The following JDP2 variants were observed in gnomAD, a reference collection of about 807,000 sequenced individuals.
JDP2 encodes the protein progesterone receptor co-activator.
Under a neutral mutation model 17.1 loss-of-function variants are expected in JDP2, and 9 were observed. The observed-to-expected ratio is 0.53, with a 90% CI of 0.32 to 0.92. The LOEUF (loss-of-function observed/expected upper bound fraction) is 0.92, where lower values mean the gene tolerates loss of function less well. JDP2 is among the 40% of genes least tolerant of loss of function. The pLI is 0.04. For synonymous variants in JDP2, 107 were observed against 95.6 expected (o/e 1.12, Z -0.69); for missense variants, 179 against 220.0 (o/e 0.81, Z 1.18).
At chr14:75,427,313 A>T (rs1884568438), upstream of JDP2, 1 of 152,442 alleles carries the variant, frequency 6.6e-6, no homozygotes, top group South Asian at 2.1e-4. The surrounding 1 kb of genome is among the most constrained non-coding windows in gnomAD (Gnocchi z 4.4). Flanking sequence ...CTCAGGCTGC[A>T]GCCCTAGCAG....
chr14:75,445,632 T>C (rs1348107230), intron 2 of JDP2: 2 of 938,048 alleles, frequency 2.1e-6, no homozygotes, highest in African/African-American at 1.8e-5. Context: ...AATAGACCCC[T>C]ACCTAGTACC....
intron 2 of JDP2, among the ~76,000 whole-genome samples, chr14:75,453,270 G>A (rs1366524868): frequency 6.6e-6 from 1 of 152,194 alleles, no homozygotes; most frequent in East Asian, 1.9e-4. Context: ...ACTTCCCAGG[G>A]TGCTCATGGG....
At chr14:75,448,230 A>T (rs764364567) in intron 2 of JDP2, among the ~76,000 whole-genome samples, 2 of 152,206 alleles carry the variant, frequency 1.3e-5, no homozygotes, top group Non-Finnish European at 2.9e-5. Flanking sequence ...TCATTTGAAC[A>T]AGATGTTTCT....
At chr14:75,461,060 T>C (rs551877014) in intron 2 of JDP2, among the ~76,000 whole-genome samples, 1 of 152,304 alleles carries the variant, frequency 6.6e-6, no homozygotes, top group South Asian at 2.1e-4. Context: ...AATCCCCTTT[T>C]CTAATAACAA....
In JDP2 at chr14:75,462,685, C is replaced by T. The variant is rs149961358; in HGVS notation, c.306+1155C>T. Among the ~76,000 whole-genome samples the T allele has an allele frequency of 5.8e-3, 880 of 152,306 alleles. 10 individuals carry two copies. The highest frequency in any genetic ancestry group is 0.02 in the African/African-American group (825 of 41,564). On this transcript the variant is annotated intron_variant, in intron 3 of 3. Transcript: ENST00000651602. ...GGGGGCACACAGGAAGCAGCAGACACGGTCCTCCTGTGGGAGCTGGAGAGA... is the reference window on the plus strand; with the variant it reads ...GGGGGCACACAGGAAGCAGCAGACATGGTCCTCCTGTGGGAGCTGGAGAGA...
At chr14:75,443,959 A>G (rs1318380125) in intron 2 of JDP2, among the ~76,000 whole-genome samples, 3 of 151,988 alleles carry the variant, frequency 2.0e-5, no homozygotes, top group African/African-American at 7.3e-5. Flanking sequence ...CTGGAGTGCA[A>G]TGGCATGATC....
chr14:75,429,654 C>A (rs969936452), intron 1 of JDP2, among the ~76,000 whole-genome samples: 1 of 152,152 alleles, frequency 6.6e-6, no homozygotes, highest in Non-Finnish European at 1.5e-5. Context: ...GAGAGTTTAA[C>A]CAGGTATCAG....
chr14:75,434,080 TC>T (rs1242965651), intron 1 of JDP2, among the ~76,000 whole-genome samples: 5 of 152,194 alleles, frequency 3.3e-5, no homozygotes, highest in Admixed American at 3.3e-4. Flanking sequence ...TCCTAAGTCT[TC>T]CTTGAAGTGG....
chr14:75,438,700 T>C (rs1480987463), intron 2 of JDP2, among the ~76,000 whole-genome samples: 1 of 152,206 alleles, frequency 6.6e-6, no homozygotes, highest in Non-Finnish European at 1.5e-5. Context: ...CCGCCTTAGA[T>C]GGCGTTTGCC....
chr14:75,436,103 A>G (rs1354103003), intron 1 of JDP2, among the ~76,000 whole-genome samples: 1 of 152,242 alleles, frequency 6.6e-6, no homozygotes, highest in South Asian at 2.1e-4. Context: ...ATTGGGAAAT[A>G]GACTCTGGAC....
At chr14:75,440,754 C>T (rs1440492924) in intron 2 of JDP2, among the ~76,000 whole-genome samples, 1 of 152,168 alleles carries the variant, frequency 6.6e-6, no homozygotes, top group African/African-American at 2.4e-5. Context: ...TTGTGCTGAG[C>T]TAAGCCCTAG....
chr14:75,473,168 T>C lies in JDP2; in HGVS notation c.*3693T>C, dbSNP rs986623970. The C allele has an allele frequency of 2.0e-5, 3 of 152,150 alleles. No individual in the cohort carries two copies. Among genetic ancestry groups the C allele is most frequent in the African/African-American group, 7.2e-5 (3 of 41,414 alleles). The allele number at this position is 152,150 out of a possible 1,614,324, so 9.4% of individuals were successfully genotyped here. A position where few individuals can be genotyped will look rare whatever the true frequency, so the allele number is the denominator to read the frequency against. Reference sequence around the variant, plus strand: ...CCCTGGATAACACGGTGAAACCCTGTCTCTACTAATAATACAAAAAATTAG... The same window carrying C: ...CCCTGGATAACACGGTGAAACCCTGCCTCTACTAATAATACAAAAAATTAG... On this transcript the variant is annotated 3_prime_UTR_variant, in exon 4 of 4. Transcript: ENST00000651602.
intron 2 of JDP2, among the ~76,000 whole-genome samples, chr14:75,458,968 A>C (rs1307729516): frequency 6.6e-6 from 1 of 152,224 alleles, no homozygotes; most frequent in East Asian, 1.9e-4. Context: ...AGCCTGGCCC[A>C]GTTGATCTCT....
At chr14:75,429,461 G>C (rs1286510247) in intron 1 of JDP2, among the ~76,000 whole-genome samples, 1 of 152,010 alleles carries the variant, frequency 6.6e-6, no homozygotes, top group Non-Finnish European at 1.5e-5. Flanking sequence ...ACCATGTTTG[G>C]GTACATTTGT....
intron 3 of JDP2, among the ~76,000 whole-genome samples, chr14:75,468,663 C>T (rs1886674614): frequency 6.6e-6 from 1 of 152,230 alleles, no homozygotes; most frequent in Non-Finnish European, 1.5e-5. Flanking sequence ...AGGATGACTG[C>T]TGATTCCCTG....
intron 2 of JDP2, among the ~76,000 whole-genome samples, chr14:75,439,203 C>G (rs1280677791): frequency 1.3e-5 from 2 of 152,188 alleles, no homozygotes; most frequent in Non-Finnish European, 2.9e-5. Context: ...AACTATCTCT[C>G]AGCTCCCCTT....
chr14:75,461,226 C>T (rs1886332954), intron 2 of JDP2, among the ~76,000 whole-genome samples, 200 bp from the exon 3 acceptor site: 1 of 152,196 alleles, frequency 6.6e-6, no homozygotes, highest in South Asian at 2.1e-4. Context: ...TGACTCCTCC[C>T]TGGGATGCTC....
At chr14:75,461,140 G>T (rs554848783) in intron 2 of JDP2, among the ~76,000 whole-genome samples, 2 of 152,116 alleles carry the variant, frequency 1.3e-5, no homozygotes, top group Non-Finnish European at 2.9e-5. Flanking sequence ...CTGTTGCATT[G>T]GGGATTAAGT....
intron 3 of JDP2, among the ~76,000 whole-genome samples, chr14:75,463,270 C>G (rs556286211): frequency 6.6e-6 from 1 of 152,332 alleles, no homozygotes; most frequent in South Asian, 2.1e-4. Flanking sequence ...TTATAATATT[C>G]CAGTGAGATA....
Sources: gnomAD v4.1 joint callset for allele counts (sites outside exome capture counted in the v4.1 genomes callset) on GRCh38, gnomAD v4.1.1 for gene constraint, Gnocchi (gnomAD v3.1) non-coding constraint, MANE v1.5 for transcripts, NCBI Gene and HGNC (gene_info 2026-07-23, HGNC 2026-07-21) for gene names.